The following SLC47A2 variants were observed in gnomAD, a reference collection of about 807,000 sequenced individuals.
SLC47A2 encodes multidrug and toxin extrusion protein 2.
In SLC47A2, 52 loss-of-function variants were observed where a neutral mutation model predicts 67.7. That is an observed-to-expected ratio of 0.77 (90% CI 0.61 to 0.97). The LOEUF (loss-of-function observed/expected upper bound fraction) is 0.97, where lower values mean the gene tolerates loss of function less well. SLC47A2 is among the 50% of genes least tolerant of loss of function. The pLI, the probability that SLC47A2 is intolerant of heterozygous loss-of-function variation, is 0.00. For synonymous variants in SLC47A2, 278 were observed against 292.9 expected (o/e 0.95, Z 0.52); for missense variants, 676 against 712.3 (o/e 0.95, Z 0.58).
intron 9 of SLC47A2, 142 bp downstream of exon 9, chr17:19,706,506 C>T: frequency 1.6e-6 from 1 of 639,666 alleles, no homozygotes; most frequent in Non-Finnish European, 2.6e-6. Flanking sequence ...AGGGCCTGGC[C>T]AGTGAAGCTG....
chr17:19,706,536 C>G (rs1197843769), intron 9 of SLC47A2, 112 bp downstream of exon 9: 2 of 843,310 alleles, frequency 2.4e-6, no homozygotes, highest in Admixed American at 5.8e-5. Flanking sequence ...TGGTGAGCTG[C>G]CATCCTGGGG....
intron 10 of SLC47A2, chr17:19,704,502 G>GA: frequency 1.3e-6 from 1 of 784,998 alleles, no homozygotes; most frequent in Admixed American, 3.0e-5. Flanking sequence ...GGTGACTGTG[G>GA]TCTTAGTCCC....
Position 19,682,329 on chromosome 17 carries a change from T to TCACACACA in SLC47A2, c.1165-667_1165-660dup, listed in dbSNP as rs376421449. On this transcript the variant is annotated intron_variant, in intron 13 of 16. Coordinates refer to ENST00000433844, the MANE Select transcript of SLC47A2 (RefSeq NM_001099646.3). ...GCCTGGGCGACAGAGCGAGACTTGG[T>TCACACACA]CACACACACACACACACACACACAC... Among the ~76,000 whole-genome samples the TCACACACA allele has an allele frequency of 8.6e-3, 1,239 of 143,860 alleles. 11 individuals carry two copies. Among genetic ancestry groups the TCACACACA allele is most frequent in the South Asian group, 0.02 (86 of 4,308 alleles). 94.4% of individuals were successfully genotyped at this position (143,860 alleles called of 152,430 possible). A position where few individuals can be genotyped will look rare whatever the true frequency, so the allele number is the denominator to read the frequency against.
chr17:19,695,798 A>G (rs932393442), intron 13 of SLC47A2, among the ~76,000 whole-genome samples: 2 of 151,446 alleles, frequency 1.3e-5, no homozygotes, highest in African/African-American at 2.4e-5. Flanking sequence ...ACCTTGGCTC[A>G]CTACAACTTC....
At chr17:19,703,313 C>T in intron 11 of SLC47A2, 146 bp from the exon 12 acceptor site, 1 of 686,940 alleles carries the variant, frequency 1.5e-6, no homozygotes, top group Non-Finnish European at 2.6e-6. Flanking sequence ...CTTCATGTCC[C>T]CCGCATCTGA....
At chr17:19,716,798 C>T (rs1367535357), upstream of SLC47A2, 9 of 519,950 alleles carry the variant, frequency 1.7e-5, no homozygotes, top group East Asian at 2.4e-4. Context: ...TCACCCAGAC[C>T]GCTGCCTGTT....
intron 13 of SLC47A2, among the ~76,000 whole-genome samples, chr17:19,694,523 A>G (rs1052900270): frequency 3.3e-5 from 5 of 152,214 alleles, no homozygotes; most frequent in Non-Finnish European, 7.3e-5. Context: ...TGGAGAAATG[A>G]GTCTTTCATG....
chr17:19,709,973 C>G (rs2086051546), intron 5 of SLC47A2, among the ~76,000 whole-genome samples: 2 of 152,110 alleles, frequency 1.3e-5, no homozygotes, highest in African/African-American at 2.4e-5. Context: ...CTGTAACCAG[C>G]TAGGCCCCAA....
intron 13 of SLC47A2, among the ~76,000 whole-genome samples, chr17:19,700,221 T>C (rs2085753205): frequency 6.6e-6 from 1 of 152,246 alleles, no homozygotes; most frequent in Non-Finnish European, 1.5e-5. Flanking sequence ...CTGAGTTGTA[T>C]ACTTATATAT....
Position 19,708,328 on chromosome 17 carries a change from C to G in SLC47A2, c.603G>C (p.Leu201=). Residue 201 remains leucine, a synonymous_variant, in exon 7 of 17, where the codon CTG becomes CTC. Coordinates refer to ENST00000433844, the MANE Select transcript of SLC47A2 (RefSeq NM_001099646.3). ...NCVNGVANYA[L]VSVLNLGVRG... is the part of the protein sequence containing the mutation. ...TGACCCCCAGGTTCAGCACAGAAAC[C>G]AGGGCATAGTTGGCCACACCGTTGA... 1 of 1,613,388 alleles carries G rather than the reference C, an allele frequency of 6.2e-7. No individual in the cohort carries two copies. The highest frequency in any genetic ancestry group is 8.5e-7 in the Non-Finnish European group (1 of 1,180,012).
At position 19,678,907 on chromosome 17, in the gene SLC47A2, C is replaced by T. The variant is rs746066061; in HGVS notation, c.1481-1G>A. 5 of 1,564,238 alleles carry T rather than the reference C, an allele frequency of 3.2e-6. No individual in the cohort carries two copies. The East Asian group carries it at 1.2e-4, about 37-fold the overall frequency. On this transcript the variant is annotated splice_acceptor_variant, in intron 16 of 16. Transcript: ENST00000433844. LOFTEE classifies it high-confidence loss of function. The stretch of plus-strand genomic sequence containing the variant: ...ATGCCAGGGGAACTGCCTGTAGCCA[C>T]TGCGGAAGCAAACAGGAGCAAACTC...
chr17:19,708,015 G>A (rs1193246991), intron 7 of SLC47A2, among the ~76,000 whole-genome samples, 172 bp from the exon 8 acceptor site: 1 of 152,208 alleles, frequency 6.6e-6, no homozygotes, highest in East Asian at 1.9e-4. Context: ...GGCCATGGTG[G>A]CTCTACCAAG....
chr17:19,682,320 G>A (rs1306197099), intron 13 of SLC47A2, among the ~76,000 whole-genome samples: 2 of 145,636 alleles, frequency 1.4e-5, no homozygotes, highest in African/African-American at 5.1e-5. Flanking sequence ...GCGACAGAGC[G>A]AGACTTGGTC....
chr17:19,705,114 G>A (rs992106490), intron 10 of SLC47A2: 86 of 394,944 alleles, frequency 2.2e-4, no homozygotes, highest in African/African-American at 1.4e-3. Flanking sequence ...GAGCCACTGC[G>A]CCCAGCCTGG....
chr17:19,712,327 C>T (rs952206098), intron 5 of SLC47A2, among the ~76,000 whole-genome samples: 1 of 152,106 alleles, frequency 6.6e-6, no homozygotes, highest in Non-Finnish European at 1.5e-5. Context: ...GCGGAGGTTG[C>T]AGTGAGCCAA....
chr17:19,716,480 CT>C lies in SLC47A2; in HGVS notation c.75del (p.Gly26AlafsTer22). Reference protein sequence around the residue: ...CCPALSRLVPRGFGTEMWTLF... With the variant: ...CCPALSRLVPXGFGTEMWTLF... ...AGAGTCCACATCTCAGTCCCAAAGCCTCTGGGAACCAGCCTGCTGAGGGCAG... is the reference window on the plus strand; with the variant it reads ...AGAGTCCACATCTCAGTCCCAAAGCCCTGGGAACCAGCCTGCTGAGGGCAG... On this transcript the variant is annotated frameshift_variant, in exon 1 of 17. Transcript: ENST00000433844. LOFTEE classifies it high-confidence loss of function. The C allele has an allele frequency of 1.9e-6, 3 of 1,612,810 alleles. No individual in the cohort carries two copies. Among genetic ancestry groups the C allele is most frequent in the East Asian group, 2.2e-5 (1 of 44,842 alleles).
chr17:19,705,492 C>T lies in SLC47A2; in HGVS notation c.853G>A (p.Val285Met). Reference protein sequence around the residue: ...IGSFLMGLLSVVDLSAQAVIY... With the variant: ...IGSFLMGLLSMVDLSAQAVIY... ...ACAGCCTGGGCAGAGAGATCCACCA[C>T]ACTGAGCAGCCCTAGAGAAGAGGCC... The change falls in exon 10 of 17, where the codon GTG becomes ATG. Residue 285 changes from valine to methionine, a missense_variant. By Grantham distance (21) the Val-to-Met change is conservative. Transcript: ENST00000433844. 6.2e-7 allele frequency: 1 copy of T among 1,609,604 alleles called. No individual in the cohort carries two copies. The highest frequency in any genetic ancestry group is 1.1e-5 in the South Asian group (1 of 90,420).
In SLC47A2 at chr17:19,680,173, G is replaced by C. The variant is rs947963827; in HGVS notation, c.1393-134C>G. On this transcript the variant is annotated intron_variant, in intron 15 of 16. Transcript: ENST00000433844. ...ATATGCATGTATTCATAGTCATGGG[G>C]CTTTTAGAAAGTATCATTTTAAGGC... 4.9e-6 allele frequency: 4 copies of C among 820,334 alleles called. No individual in the cohort carries two copies. In the South Asian group the frequency reaches 5.7e-5, roughly 12 times the overall value. The allele number at this position is 820,334 out of a possible 1,614,324, so 50.8% of individuals were successfully genotyped here.
Position 19,703,127 on chromosome 17 carries a change from C to T in SLC47A2, c.1059G>A (p.Leu353=), listed in dbSNP as rs1372171129. ...TAAAAATATGCCCCAGCTGATTTTT[C>T]AGGATGCTTATCAGGGTGCCCAGGA... ...SLVLGTLISI[L]KNQLGHIFTN... is the part of the protein sequence containing the mutation. The change falls in exon 12 of 17, where the codon CTG becomes CTA. Residue 353 remains leucine, a synonymous_variant. Transcript: ENST00000433844. 9.3e-6 allele frequency: 15 copies of T among 1,614,040 alleles called. No individual in the cohort carries two copies. In the Admixed American group the frequency reaches 2.5e-4, roughly 27 times the overall value.
Sources: allele counts gnomAD v4.1 joint callset (sites outside exome capture counted in the v4.1 genomes callset), GRCh38; gene constraint gnomAD v4.1.1; transcripts MANE v1.5; gene names NCBI Gene and HGNC (gene_info 2026-07-23, HGNC 2026-07-21).